TTBK2: variants seen among roughly 807,000 people sequenced by gnomAD.
The protein encoded by TTBK2 is tau tubulin kinase 2.
Under a neutral mutation model 110.8 loss-of-function variants are expected in TTBK2, and 28 were observed. The ratio of observed to expected loss-of-function variants is 0.25; its 90% CI spans 0.19 to 0.35. The LOEUF is 0.35. Ranked by LOEUF, TTBK2 falls within the 10% of genes least tolerant of loss-of-function variation. The probability of loss-of-function intolerance (pLI) is 1.00; values close to 1 mark genes in which losing one functional copy is unlikely to be tolerated. For missense variants in TTBK2, 1,369 were observed against 1,500.3 expected (o/e 0.91, Z 1.45); for synonymous variants, 532 against 527.3 (o/e 1.01, Z -0.12).
At chr15:42,861,483 C>G (rs1894155453) in intron 3 of TTBK2, among the ~76,000 whole-genome samples, 1 of 151,952 alleles carries the variant, frequency 6.6e-6, no homozygotes. Flanking sequence ...TTAACCTAGT[C>G]CTGAATAACT....
At chr15:42,811,245 C>T (rs1891709324) in intron 8 of TTBK2, among the ~76,000 whole-genome samples, 1 of 152,214 alleles carries the variant, frequency 6.6e-6, no homozygotes, top group African/African-American at 2.4e-5. Context: ...CCTCTTGCCT[C>T]AGCCTCCCAA....
chr15:42,770,875 A>G (rs72713768), intron 13 of TTBK2, among the ~76,000 whole-genome samples: 69 of 152,276 alleles, frequency 4.5e-4, no homozygotes, highest in Non-Finnish European at 7.5e-4. Context: ...GAATAACTCC[A>G]TGAGCTTTCA....
Position 42,752,924 on chromosome 15 carries a change from A to G in TTBK2, c.2322T>C (p.Pro774=), listed in dbSNP as rs1377704409. The G allele has an allele frequency of 6.2e-7, 1 of 1,614,072 alleles. No individual in the cohort carries two copies. The highest frequency in any genetic ancestry group is 8.5e-7 in the Non-Finnish European group (1 of 1,180,038). ...GGATGCTTTTCTCTTCAGTTTCCCC[A>G]GGGAGATTTTCAAATTCTCTCACAA... ...RLVVREFENL[P]GETEEKSILL... Residue 774 remains proline, a synonymous_variant, in exon 14 of 15, where the codon CCT becomes CCC. Coordinates refer to ENST00000267890, the MANE Select transcript of TTBK2 (RefSeq NM_173500.4).
intron 10 of TTBK2, among the ~76,000 whole-genome samples, chr15:42,784,519 C>G (rs539776069): frequency 6.6e-6 from 1 of 152,374 alleles, no homozygotes; most frequent in African/African-American, 2.4e-5. Context: ...CTCAGGTGAT[C>G]TGCCTGCCTT....
At chr15:42,860,084 GAAA>G (rs1894094795) in intron 3 of TTBK2, among the ~76,000 whole-genome samples, 1 of 151,738 alleles carries the variant, frequency 6.6e-6, no homozygotes, top group Non-Finnish European at 1.5e-5. Context: ...AGAAACAGAA[GAAA>G]GGATTAAGGA....
intron 3 of TTBK2, among the ~76,000 whole-genome samples, chr15:42,866,589 CT>C (rs1278116085): frequency 1.3e-5 from 2 of 152,178 alleles, no homozygotes; most frequent in Non-Finnish European, 2.9e-5. Context: ...CTATAGACTA[CT>C]TAAACCAATG....
At chr15:42,777,277 T>C in intron 11 of TTBK2, 35 bp from the exon 12 acceptor site, 2 of 1,600,402 alleles carry the variant, frequency 1.2e-6, no homozygotes, top group Non-Finnish European at 1.7e-6. Flanking sequence ...ATGAAAAACA[T>C]TCTAGGCAAC....
intron 1 of TTBK2, among the ~76,000 whole-genome samples, chr15:42,899,583 C>T (rs1225387848): frequency 6.6e-6 from 1 of 151,932 alleles, no homozygotes; most frequent in East Asian, 2.0e-4. Context: ...TACTAAAATA[C>T]AAAGAAATTA....
intron 3 of TTBK2, among the ~76,000 whole-genome samples, chr15:42,864,390 G>C (rs1348366920): frequency 2.0e-5 from 3 of 152,076 alleles, no homozygotes; most frequent in Non-Finnish European, 4.4e-5. Flanking sequence ...TTCAAAACCA[G>C]CCTGACCAAC....
rs544603370 is a variant in TTBK2, at chr15:42,915,306, G to A, written c.-68+5132C>T. 5.3e-5 allele frequency among the ~76,000 whole-genome samples: 8 copies of A among 152,286 alleles called. 1 individual carries two copies. In the South Asian group the frequency reaches 1.7e-3, roughly 32 times the overall value. On this transcript the variant is annotated intron_variant, in intron 1 of 14. Coordinates refer to ENST00000267890, the MANE Select transcript of TTBK2 (RefSeq NM_173500.4). ...CGTCTGTGCTGTTTGTCACTTAGTA[G>A]CCATCTTGGTTGTTAGATCACTGTC...
At chr15:42,870,857 C>A (rs1272273620) in intron 3 of TTBK2, among the ~76,000 whole-genome samples, 2 of 145,260 alleles carry the variant, frequency 1.4e-5, no homozygotes, top group African/African-American at 5.1e-5. Context: ...AAGACTCCGT[C>A]TCAAAAAAAA....
intron 1 of TTBK2, among the ~76,000 whole-genome samples, chr15:42,889,575 G>A (rs892169192): frequency 6.6e-6 from 1 of 152,086 alleles, no homozygotes; most frequent in Non-Finnish European, 1.5e-5. Flanking sequence ...AAGTAATTAC[G>A]CTAAACCCCC....
intron 6 of TTBK2, among the ~76,000 whole-genome samples, chr15:42,820,142 T>C (rs1014604775): frequency 6.6e-6 from 1 of 152,152 alleles, no homozygotes; most frequent in Non-Finnish European, 1.5e-5. Flanking sequence ...AAAGAAATAA[T>C]ACCAGTTTGC....
At chr15:42,785,879 G>A (rs2140824441) in intron 10 of TTBK2, among the ~76,000 whole-genome samples, 1 of 152,092 alleles carries the variant, frequency 6.6e-6, no homozygotes, top group African/African-American at 2.4e-5. Context: ...TGTAATTACT[G>A]TGAGTGGCAA....
Position 42,801,596 on chromosome 15 carries a change from CG to C in TTBK2, c.823-6796del, listed in dbSNP as rs145910901. ...CATGCTCTCAGCCTCAGCCTGGCTG[CG>C]GTTGGCAATCTCCTCGTACTGCACC... is the stretch of plus-strand genomic sequence containing the variant. On this transcript the variant is annotated intron_variant, in intron 9 of 14. Transcript: ENST00000267890. 2,293 of 780,230 alleles carry C rather than the reference CG, an allele frequency of 2.9e-3. 32 individuals are homozygous for C. In the African/African-American group the frequency reaches 0.035, roughly 12 times the overall value. The allele number at this position is 780,230 out of a possible 1,614,324, so 48.3% of individuals were successfully genotyped here.
intron 3 of TTBK2, among the ~76,000 whole-genome samples, chr15:42,846,173 T>C (rs191541547): frequency 2.6e-4 from 40 of 152,000 alleles, no homozygotes; most frequent in African/African-American, 9.6e-4. Context: ...CAATATTTTT[T>C]TCCTAATTTT....
At chr15:42,815,985 C>T (rs1303725463) in intron 7 of TTBK2, among the ~76,000 whole-genome samples, 4 of 72,398 alleles carry the variant, frequency 5.5e-5, no homozygotes, top group South Asian at 4.7e-4. Flanking sequence ...ATATTTGAGA[C>T]GGAGTCTTGC....
At chr15:42,837,456 G>A (rs1031795769) in intron 4 of TTBK2, among the ~76,000 whole-genome samples, 3 of 150,776 alleles carry the variant, frequency 2.0e-5, no homozygotes, top group African/African-American at 7.3e-5. Flanking sequence ...TCAGGAGTTC[G>A]AGACCAGCCT....
chr15:42,831,022 A>ATGTGTGTGTG (rs67420749), intron 4 of TTBK2, among the ~76,000 whole-genome samples: 1 of 145,448 alleles, frequency 6.9e-6, no homozygotes, highest in Non-Finnish European at 1.5e-5. Flanking sequence ...AAATGTATAT[A>ATGTGTGTGTG]TGTGTGTGTG....
Sources: gnomAD v4.1 joint callset for allele counts (sites outside exome capture counted in the v4.1 genomes callset) on GRCh38, gnomAD v4.1.1 for gene constraint, MANE v1.5 for transcripts, NCBI Gene and HGNC (gene_info 2026-07-23, HGNC 2026-07-21) for gene names.